The following APP variants were observed in gnomAD, a reference collection of about 807,000 sequenced individuals.
APP encodes the protein amyloid beta precursor protein.
APP carries 31 observed loss-of-function variants against 101.4 expected under a neutral mutation model. That is an observed-to-expected ratio of 0.31 (90% confidence interval 0.23 to 0.41). APP has a LOEUF of 0.41. Among genes scored for constraint, APP ranks in the 10% least tolerant of loss-of-function variants. The pLI is 1.00. For synonymous variants in APP, 366 were observed against 364.4 expected (o/e 1.00, Z -0.05); for missense variants, 839 against 1,003.7 (o/e 0.84, Z 2.22).
chr21:25,881,808 A>G (rs1224784611), intron 17 of APP, 37 bp from the exon 18 acceptor site: 13 of 1,591,326 alleles, frequency 8.2e-6, no homozygotes, highest in Non-Finnish European at 1.1e-5. Context: ...AAAAATAAAA[A>G]TCAATCTTTT....
intron 13 of APP, among the ~76,000 whole-genome samples, chr21:25,935,940 T>C (rs941361952): frequency 6.7e-6 from 1 of 150,216 alleles, no homozygotes; most frequent in African/African-American, 2.5e-5. Context: ...CAAGGCCGAG[T>C]TTAGGCTGCC....
chr21:25,971,970 A>T (rs2042047987), intron 11 of APP, among the ~76,000 whole-genome samples: 1 of 152,268 alleles, frequency 6.6e-6, no homozygotes, highest in Non-Finnish European at 1.5e-5. Context: ...CAACAGGTTT[A>T]AATTCAGCGT....
intron 11 of APP, 24 bp downstream of exon 11, chr21:25,975,046 G>C: frequency 6.2e-7 from 1 of 1,613,816 alleles, no homozygotes; most frequent in Non-Finnish European, 8.5e-7. Context: ...CCTGAAGTGT[G>C]AACTCGGCTG....
chr21:25,918,288 T>C (rs1018474827), intron 13 of APP, among the ~76,000 whole-genome samples: 3 of 152,192 alleles, frequency 2.0e-5, no homozygotes, highest in African/African-American at 4.8e-5. Context: ...AAAATGTCCA[T>C]CAACGATAGA....
At chr21:26,134,561 G>A (rs2062857521) in intron 1 of APP, among the ~76,000 whole-genome samples, 1 of 152,234 alleles carries the variant, frequency 6.6e-6, no homozygotes, top group Non-Finnish European at 1.5e-5. Context: ...GAGATTCCAT[G>A]CCCTTTCCTG....
At chr21:26,050,722 T>A (rs1294155665) in intron 5 of APP, among the ~76,000 whole-genome samples, 1 of 152,190 alleles carries the variant, frequency 6.6e-6, no homozygotes, top group Non-Finnish European at 1.5e-5. Flanking sequence ...TTCAACTCCC[T>A]GTTAGAACTA....
chr21:26,123,637 G>C (rs2062620832), intron 1 of APP, among the ~76,000 whole-genome samples: 1 of 152,154 alleles, frequency 6.6e-6, no homozygotes, highest in Non-Finnish European at 1.5e-5. Context: ...AGGCTATCAG[G>C]AACCACAATA....
At chr21:25,908,459 A>G (rs1351835983) in intron 14 of APP, among the ~76,000 whole-genome samples, 1 of 152,174 alleles carries the variant, frequency 6.6e-6, no homozygotes, top group African/African-American at 2.4e-5. Context: ...AGAATTTTAG[A>G]TATTTTCAGT....
intron 9 of APP, among the ~76,000 whole-genome samples, chr21:25,979,847 C>CA (rs56288904): frequency 1 from 151,934 of 151,934 alleles, 75,967 homozygotes; most frequent in Non-Finnish European, 1. Context: ...ACGATGAATG[C>CA]AGGTAGCAGG....
In APP at chr21:25,982,495, A is replaced by C. The variant is rs201718786; in HGVS notation, c.1091-18T>G. On this transcript the variant is annotated intron_variant, in intron 8 of 17. Coordinates refer to ENST00000346798, the MANE Select transcript of APP (RefSeq NM_000484.4). ...TGTAGGAACTATAAAGTAGAAGAGAAGGAGGTTTGAGAAAAAAAAGCCAAC... is the reference window on the plus strand; with the variant it reads ...TGTAGGAACTATAAAGTAGAAGAGACGGAGGTTTGAGAAAAAAAAGCCAAC... 2.9e-5 allele frequency: 47 copies of C among 1,612,622 alleles called. No homozygotes were observed. Among genetic ancestry groups the C allele is most frequent in the Non-Finnish European group, 4.0e-5 (47 of 1,179,244 alleles).
At chr21:25,927,144 G>GATTTA (rs1283224159) in intron 13 of APP, among the ~76,000 whole-genome samples, 1 of 151,990 alleles carries the variant, frequency 6.6e-6, no homozygotes, top group Admixed American at 6.6e-5. Context: ...GGATAAAAGA[G>GATTTA]ATTAAAGCAG....
intron 3 of APP, among the ~76,000 whole-genome samples, chr21:26,058,334 T>C (rs953176297): frequency 6.6e-6 from 1 of 152,116 alleles, no homozygotes; most frequent in Non-Finnish European, 1.5e-5. Flanking sequence ...TGTGATCTGG[T>C]CACATGCACC....
chr21:26,026,663 G>C (rs2044589014), intron 5 of APP, among the ~76,000 whole-genome samples: 1 of 152,232 alleles, frequency 6.6e-6, no homozygotes, highest in African/African-American at 2.4e-5. Flanking sequence ...ATTATAGACA[G>C]TAACAGATCA....
intron 8 of APP, among the ~76,000 whole-genome samples, chr21:25,996,294 G>C (rs1465684177): frequency 1.3e-5 from 2 of 152,182 alleles, no homozygotes; most frequent in African/African-American, 4.8e-5. Context: ...TTCTGGGAGA[G>C]GAGAAAGAGG....
chr21:26,142,275 G>A (rs1005460650), intron 1 of APP, among the ~76,000 whole-genome samples: 1 of 152,144 alleles, frequency 6.6e-6, no homozygotes, highest in African/African-American at 2.4e-5. Flanking sequence ...TGGAACCAGA[G>A]AGACTTAAGA....
At chr21:26,106,607 G>A (rs562635067) in intron 2 of APP, among the ~76,000 whole-genome samples, 10 of 152,184 alleles carry the variant, frequency 6.6e-5, no homozygotes, top group African/African-American at 1.2e-4. Context: ...CACTCAAAGC[G>A]CTGCGACTAC....
Position 25,911,911 on chromosome 21 carries a change from A to G in APP, c.1739T>C (p.Met580Thr). 5 of 1,614,162 alleles carry G rather than the reference A, an allele frequency of 3.1e-6. No individual in the cohort carries two copies. Among genetic ancestry groups the G allele is most frequent in the Non-Finnish European group, 4.2e-6 (5 of 1,180,022 alleles). ...QNYSDDVLANMISEPRISYGN... is the reference protein window; with the variant it reads ...QNYSDDVLANTISEPRISYGN... The stretch of plus-strand genomic sequence containing the variant: ...GTAACTGATCCTTGGTTCACTAATC[A>G]TGTTGGCCAAGACGTCATCTGAATA... Residue 580 changes from methionine to threonine, a missense_variant, in exon 14 of 18, where the codon ATG (methionine) becomes ACG (threonine). Met to Thr is a moderately conservative substitution (Grantham distance 81). Coordinates refer to ENST00000346798, the MANE Select transcript of APP (RefSeq NM_000484.4).
chr21:25,999,909 G>A, intron 7 of APP, 106 bp downstream of exon 7: 1 of 1,299,694 alleles, frequency 7.7e-7, no homozygotes. Context: ...GTTAGTGGTA[G>A]CAACAGGCCC....
chr21:26,093,395 C>T (rs1419569281), intron 2 of APP, among the ~76,000 whole-genome samples: 1 of 152,182 alleles, frequency 6.6e-6, no homozygotes, highest in African/African-American at 2.4e-5. Context: ...CCTCAGGAGT[C>T]ATCGGTTTTC....
Sources: allele counts gnomAD v4.1 joint callset (sites outside exome capture counted in the v4.1 genomes callset), GRCh38; gene constraint gnomAD v4.1.1; transcripts MANE v1.5; gene names NCBI Gene and HGNC (gene_info 2026-07-23, HGNC 2026-07-21).